Variants in FKBP14 observed in about 807,000 individuals in gnomAD.
FKBP14 encodes peptidyl-prolyl cis-trans isomerase FKBP14.
FKBP14 carries 20 observed loss-of-function variants against 21.6 expected under a neutral mutation model. The ratio of observed to expected loss-of-function variants is 0.92; its 90% CI spans 0.65 to 1.34. FKBP14 has a LOEUF of 1.34. Among genes scored for constraint, FKBP14 ranks in the 40% most tolerant of loss-of-function variants. The probability of loss-of-function intolerance (pLI) is 0.00; values close to 1 mark genes in which losing one functional copy is unlikely to be tolerated. For missense variants in FKBP14, 253 were observed against 249.0 expected, an observed-to-expected ratio of 1.02 and a Z score of -0.11; for synonymous variants, 79 against 86.7, an observed-to-expected ratio of 0.91 and a Z score of 0.49.
chr7:30,007,899 A>T (rs1789644117), downstream of FKBP14, among the ~76,000 whole-genome samples: 1 of 152,112 alleles, frequency 6.6e-6, no homozygotes, highest in Admixed American at 6.5e-5. Flanking sequence ...AAATACAAAA[A>T]TTAGCCGGGC....
rs938714838 is a variant in FKBP14 at position 30,012,985 on chromosome 7, T to G, written c.*1750A>C. ...GACCCTGGGCATAACAGTCAATCTTTTTGAATGACAATTTCCTCGTCTATA... is the reference window on the plus strand; with the variant it reads ...GACCCTGGGCATAACAGTCAATCTTGTTGAATGACAATTTCCTCGTCTATA... On this transcript the variant is annotated 3_prime_UTR_variant, in exon 4 of 4. Transcript: ENST00000222803. 8 of 152,194 alleles carry G rather than the reference T, an allele frequency of 5.3e-5. No individual in the cohort carries two copies. The highest frequency in any genetic ancestry group is 1.7e-4 in the African/African-American group (7 of 41,454). The allele number at this position is 152,194 out of a possible 1,614,324, so 9.4% of individuals were successfully genotyped here.
rs985848263 is a variant in FKBP14, at chr7:30,011,352, AT to A, written c.*3382del. ...CACCATGCCCAACCAGAAGAAAAAC[AT>A]TTTTTATAAATTTTAGTGTCACCTA... On this transcript the variant is annotated 3_prime_UTR_variant, in exon 4 of 4. Coordinates refer to ENST00000222803, the MANE Select transcript of FKBP14 (RefSeq NM_017946.4). 1.5e-4 allele frequency: 23 copies of A among 151,684 alleles called. No individual in the cohort carries two copies. The highest frequency in any genetic ancestry group is 5.1e-4 in the African/African-American group (21 of 41,342). 9.4% of individuals were successfully genotyped at this position (151,684 alleles called of 1,614,324 possible).
intron 3 of FKBP14, among the ~76,000 whole-genome samples, chr7:30,016,712 A>G (rs1012904935): frequency 4.6e-5 from 7 of 152,174 alleles, no homozygotes; most frequent in Non-Finnish European, 8.8e-5. Flanking sequence ...CATTTCATTC[A>G]GATATTTAAA....
chr7:30,010,243 G>A (rs1482089142), downstream of FKBP14, among the ~76,000 whole-genome samples: 3 of 152,024 alleles, frequency 2.0e-5, no homozygotes, highest in East Asian at 1.9e-4. Flanking sequence ...TGCTACACAC[G>A]ATAAAACCCT....
chr7:30,008,345 A>G (rs956623345), downstream of FKBP14: 1 of 152,208 alleles, frequency 6.6e-6, no homozygotes, highest in African/African-American at 2.4e-5. Flanking sequence ...TAAAGAAAAA[A>G]TCATTTATCT....
At chr7:30,023,432 G>T (rs17378820) in intron 1 of FKBP14, among the ~76,000 whole-genome samples, 22,094 of 152,188 alleles carry the variant, frequency 0.15, 1,646 homozygotes, top group Middle Eastern at 0.19. Context: ...CTACAAACTT[G>T]CCTTAGCTAT....
chr7:30,015,126 AGGCAGG>A (rs1789847409), intron 3 of FKBP14, among the ~76,000 whole-genome samples: 1 of 152,164 alleles, frequency 6.6e-6, no homozygotes, highest in Admixed American at 6.5e-5. Context: ...TATTGCTCAA[AGGCAGG>A]GCCAGGTGTG....
Position 30,014,529 on chromosome 7 carries a change from A to C in FKBP14, c.*206T>G. 3.0e-6 allele frequency: 1 copy of C among 337,818 alleles called. No individual in the cohort carries two copies. The highest frequency in any genetic ancestry group is 5.3e-6 in the Non-Finnish European group (1 of 190,060). 20.9% of individuals were successfully genotyped at this position (337,818 alleles called of 1,614,324 possible). A position where few individuals can be genotyped will look rare whatever the true frequency, so the allele number is the denominator to read the frequency against. On this transcript the variant is annotated 3_prime_UTR_variant, in exon 4 of 4. Transcript: ENST00000222803. ...AATTGTCCAGAAGTCTTCTATTCAAAGACCAATTAGCTTTTTCTTCCCAAT... is the reference window on the plus strand; with the variant it reads ...AATTGTCCAGAAGTCTTCTATTCAACGACCAATTAGCTTTTTCTTCCCAAT...
Position 30,024,458 on chromosome 7 carries a change from C to T in FKBP14, c.198-1642G>A, listed in dbSNP as rs1177635665. 5.3e-5 allele frequency among the ~76,000 whole-genome samples: 8 copies of T among 152,104 alleles called. No individual in the cohort carries two copies. In the South Asian group the frequency reaches 1.0e-3, roughly 20 times the overall value. On this transcript the variant is annotated intron_variant, in intron 1 of 3. Transcript: ENST00000222803. The stretch of plus-strand genomic sequence containing the variant: ...CTCTGTTGCCCAGGCTGGAGTGCAG[C>T]GGCGCAATCTTGGCTCACTGCAGCC...
chr7:30,022,873 A>G (rs1483943421), intron 1 of FKBP14, 57 bp from the exon 2 acceptor site: 1 of 1,526,496 alleles, frequency 6.6e-7, no homozygotes, highest in Non-Finnish European at 8.8e-7. Flanking sequence ...AATTTTCTTT[A>G]GTGCATTTTC....
At chr7:30,007,010 T>A (rs566675205), downstream of FKBP14, among the ~76,000 whole-genome samples, 5 of 152,368 alleles carry the variant, frequency 3.3e-5, no homozygotes, top group Admixed American at 3.3e-4. Context: ...TCTGTCTTGT[T>A]CGCTGTGCCA....
chr7:30,021,869 T>C (rs192386338), intron 2 of FKBP14, among the ~76,000 whole-genome samples: 3 of 152,268 alleles, frequency 2.0e-5, no homozygotes, highest in Admixed American at 6.5e-5. Flanking sequence ...CCTCTTGATA[T>C]ATATCACAAA....
chr7:30,018,409 G>A (rs971802123), intron 3 of FKBP14, among the ~76,000 whole-genome samples: 4 of 152,186 alleles, frequency 2.6e-5, no homozygotes, highest in African/African-American at 9.6e-5. Context: ...GAATTATAAG[G>A]AGAAGCCTCT....
At position 30,022,667 on chromosome 7, in the gene FKBP14, T is replaced by C; in HGVS notation, c.347A>G (p.Lys116Arg). 2 of 1,611,190 alleles carry C rather than the reference T, an allele frequency of 1.2e-6. No individual in the cohort carries two copies. The highest frequency in any genetic ancestry group is 4.5e-5 in the East Asian group (2 of 44,842). ...GAAAAATACAGAAATACTATTACCT[T>C]TTCCTTCTTTTCCATAGCCCAGAGC... ...PPALGYGKEG[K>R]GKIPPESTLI... Residue 116 changes from lysine to arginine, a missense_variant and splice_region_variant, in exon 2 of 4, where the codon AAA (lysine) becomes AGA (arginine). Lys to Arg is a conservative substitution (Grantham distance 26). Transcript: ENST00000222803.
At chr7:30,018,026 T>TAAAA (rs1180633238) in intron 3 of FKBP14, among the ~76,000 whole-genome samples, 2 of 151,204 alleles carry the variant, frequency 1.3e-5, no homozygotes. Flanking sequence ...AATAAATAAA[T>TAAAA]AAATAAATAA....
chr7:30,022,097 C>T (rs897327418), intron 2 of FKBP14, among the ~76,000 whole-genome samples: 3 of 152,136 alleles, frequency 2.0e-5, no homozygotes, highest in Admixed American at 6.5e-5. Flanking sequence ...GAAAAGAACT[C>T]CCAGTTTGCT....
chr7:30,019,373 C>CA (rs1347000576), intron 2 of FKBP14, among the ~76,000 whole-genome samples: 1 of 152,002 alleles, frequency 6.6e-6, no homozygotes, highest in Non-Finnish European at 1.5e-5. Flanking sequence ...TACACATACA[C>CA]ACAATGCATA....
Position 30,014,028 on chromosome 7 carries a change from T to C in FKBP14, c.*707A>G, listed in dbSNP as rs1489700656. ...ACAGGCACGCATCACCACGCCCGGC[T>C]ACTTTTGTATTTTTAGTAGAGATAG... On this transcript the variant is annotated 3_prime_UTR_variant, in exon 4 of 4. Coordinates refer to ENST00000222803, the MANE Select transcript of FKBP14 (RefSeq NM_017946.4). The C allele has an allele frequency of 6.6e-6, 1 of 152,108 alleles. No homozygotes were observed. Among genetic ancestry groups the C allele is most frequent in the African/African-American group, 2.4e-5 (1 of 41,432 alleles). The allele number at this position is 152,108 out of a possible 1,614,324, so 9.4% of individuals were successfully genotyped here. A position where few individuals can be genotyped will look rare whatever the true frequency, so the allele number is the denominator to read the frequency against.
At chr7:30,021,133 A>T (rs770764751) in intron 2 of FKBP14, among the ~76,000 whole-genome samples, 4 of 152,196 alleles carry the variant, frequency 2.6e-5, no homozygotes, top group African/African-American at 4.8e-5. Flanking sequence ...TATGTAAGTA[A>T]TACATGCTCA....
Sources: gnomAD v4.1 joint callset for allele counts (sites outside exome capture counted in the v4.1 genomes callset) on GRCh38, gnomAD v4.1.1 for gene constraint, MANE v1.5 for transcripts, NCBI Gene and HGNC (gene_info 2026-07-23, HGNC 2026-07-21) for gene names.